Variants in KCND3 observed in about 807,000 individuals in gnomAD.
KCND3 encodes A-type voltage-gated potassium channel KCND3.
KCND3 carries 9 observed loss-of-function variants against 51.1 expected under a neutral mutation model. That is an observed-to-expected ratio of 0.18 (90% CI 0.11 to 0.31). KCND3 has a LOEUF of 0.31. Among genes scored for constraint, KCND3 ranks in the 10% least tolerant of loss-of-function variants. The pLI is 1.00. For synonymous variants in KCND3, 349 were observed against 368.0 expected (o/e 0.95, Z 0.59); for missense variants, 526 against 903.8 (o/e 0.58, Z 5.36).
At chr1:111,874,292 T>C (rs1166452790) in intron 2 of KCND3, among the ~76,000 whole-genome samples, 2 of 152,146 alleles carry the variant, frequency 1.3e-5, no homozygotes, top group South Asian at 2.1e-4. Context: ...CGCTGAGGAG[T>C]TGCAACCCAT....
Position 111,771,720 on chromosome 1 carries a change from TTTG to T in KCND3, c.*4354_*4356del, listed in dbSNP as rs1663911680. The T allele has an allele frequency of 6.6e-6, 1 of 152,262 alleles. No individual in the cohort carries two copies. The highest frequency in any genetic ancestry group is 2.4e-5 in the African/African-American group (1 of 41,476). The allele number at this position is 152,262 out of a possible 1,614,324, so 9.4% of individuals were successfully genotyped here. A position where few individuals can be genotyped will look rare whatever the true frequency, so the allele number is the denominator to read the frequency against. On this transcript the variant is annotated 3_prime_UTR_variant, in exon 8 of 8. Transcript: ENST00000302127. The stretch of plus-strand genomic sequence containing the variant: ...ATCAGCATATCCACAAGTTGACATT[TTTG>T]TTAATTATAGATCGGCATTAACTGT...
intron 2 of KCND3, among the ~76,000 whole-genome samples, chr1:111,884,533 A>T (rs1669481614): frequency 6.6e-6 from 1 of 152,168 alleles, no homozygotes; most frequent in Non-Finnish European, 1.5e-5. Context: ...AATTCTAGGA[A>T]ACAGGAGAGA....
intron 2 of KCND3, among the ~76,000 whole-genome samples, chr1:111,866,141 G>A (rs1167023663): frequency 6.6e-6 from 1 of 151,492 alleles, no homozygotes; most frequent in African/African-American, 2.4e-5. Context: ...AGCAGTTTTA[G>A]GTTTGTAGCA....
intron 2 of KCND3, among the ~76,000 whole-genome samples, chr1:111,810,084 T>C (rs1665781914): frequency 2.6e-5 from 4 of 152,228 alleles, no homozygotes; most frequent in African/African-American, 9.6e-5. Context: ...CCAGCTCTTG[T>C]CTGCCATTTC....
intron 2 of KCND3, among the ~76,000 whole-genome samples, chr1:111,857,291 G>A (rs1668120251): frequency 6.6e-6 from 1 of 152,168 alleles, no homozygotes; most frequent in South Asian, 2.1e-4. Context: ...CTGGGCGTGG[G>A]GTCACAGCGC....
In KCND3 at chr1:111,892,907, C is replaced by T. The variant is rs191242311; in HGVS notation, c.1106+88714G>A. ...CAAACAGGGAGCCCAAGGGCTGAGA[C>T]GACACACCAAAGTATCCTCTAAGAT... On this transcript the variant is annotated intron_variant, in intron 2 of 7. Transcript: ENST00000302127. 6.6e-4 allele frequency among the ~76,000 whole-genome samples: 101 copies of T among 152,330 alleles called. 1 individual carries two copies. The highest frequency in any genetic ancestry group is 5.6e-3 in the Admixed American group (86 of 15,304).
At chr1:111,804,464 T>C (rs576748997) in intron 2 of KCND3, among the ~76,000 whole-genome samples, 5 of 152,252 alleles carry the variant, frequency 3.3e-5, no homozygotes, top group Admixed American at 3.3e-4. Flanking sequence ...TAACCTTCTG[T>C]GTTTTGGGTC....
chr1:111,888,081 G>A (rs1246799643), intron 2 of KCND3, among the ~76,000 whole-genome samples: 1 of 152,236 alleles, frequency 6.6e-6, no homozygotes, highest in East Asian at 1.9e-4. Context: ...GGGCAGAGGA[G>A]CTGGGAGGGC....
At chr1:111,858,421 G>A (rs891200321) in intron 2 of KCND3, among the ~76,000 whole-genome samples, 1 of 152,088 alleles carries the variant, frequency 6.6e-6, no homozygotes, top group African/African-American at 2.4e-5. Flanking sequence ...TTTGGGGGCT[G>A]CATTATGATT....
At chr1:111,813,553 G>A (rs1337397844) in intron 2 of KCND3, among the ~76,000 whole-genome samples, 1 of 152,218 alleles carries the variant, frequency 6.6e-6, no homozygotes, top group Non-Finnish European at 1.5e-5. Flanking sequence ...GTAATGAGAG[G>A]CAAGCAGCTG....
chr1:111,959,674 G>A (rs1486456583), intron 2 of KCND3, among the ~76,000 whole-genome samples: 1 of 152,204 alleles, frequency 6.6e-6, no homozygotes, highest in African/African-American at 2.4e-5. Context: ...TGTGGGCAAT[G>A]ACCAGAAGCA....
chr1:111,886,331 T>C (rs1767283), intron 2 of KCND3, among the ~76,000 whole-genome samples: 118,339 of 152,146 alleles, frequency 0.78, 46,234 homozygotes, highest in East Asian at 1. Flanking sequence ...CATTTCTGTC[T>C]GCTATATTTT....
chr1:111,793,118 G>T (rs1664908784), intron 2 of KCND3, among the ~76,000 whole-genome samples: 1 of 150,778 alleles, frequency 6.6e-6, no homozygotes, highest in Non-Finnish European at 1.5e-5. Context: ...TTCTATTTTG[G>T]CCTCTCAAAG....
At chr1:111,899,408 T>C (rs910429240) in intron 2 of KCND3, among the ~76,000 whole-genome samples, 1 of 152,268 alleles carries the variant, frequency 6.6e-6, no homozygotes, top group Non-Finnish European at 1.5e-5. Context: ...AATGGCTTTA[T>C]GTTCTGCTTC....
intron 2 of KCND3, among the ~76,000 whole-genome samples, chr1:111,924,828 A>G (rs1459012900): frequency 6.6e-6 from 1 of 152,214 alleles, no homozygotes; most frequent in East Asian, 1.9e-4. Flanking sequence ...TGACCCTGAG[A>G]GGGACAAGAG....
chr1:111,843,038 T>C (rs887192215), intron 2 of KCND3, among the ~76,000 whole-genome samples: 8 of 152,228 alleles, frequency 5.3e-5, no homozygotes, highest in Non-Finnish European at 8.8e-5. Flanking sequence ...TGTTATTACA[T>C]TGTCTGGATT....
chr1:111,901,363 T>A (rs1670374617), intron 2 of KCND3, among the ~76,000 whole-genome samples: 1 of 152,076 alleles, frequency 6.6e-6, no homozygotes, highest in Admixed American at 6.5e-5. Context: ...CCTAAAGGAG[T>A]TACTTTCTAC....
In KCND3 at chr1:111,982,955, T is replaced by C. The variant is rs1675052040; in HGVS notation, c.-72-157A>G. On this transcript the variant is annotated intron_variant, in intron 1 of 7. Coordinates refer to ENST00000302127, the MANE Select transcript of KCND3 (RefSeq NM_001378969.1). This position sits in a 1 kb window ranked among gnomAD's most constrained non-coding sequence, Gnocchi z 8.5. ...CCCCACCACAGAGAGGGGACTTGATTCTTTGCCATCCAGACACTGGGAGAA... is the reference window on the plus strand; with the variant it reads ...CCCCACCACAGAGAGGGGACTTGATCCTTTGCCATCCAGACACTGGGAGAA... Among the ~76,000 whole-genome samples the C allele has an allele frequency of 6.6e-6, 1 of 152,156 alleles. No homozygotes were observed. The highest frequency in any genetic ancestry group is 1.5e-5 in the Non-Finnish European group (1 of 68,040).
intron 2 of KCND3, among the ~76,000 whole-genome samples, chr1:111,970,148 C>G (rs148634582): frequency 6.6e-6 from 1 of 152,056 alleles, no homozygotes; most frequent in Non-Finnish European, 1.5e-5. Context: ...TGCTGAGTAG[C>G]TGGGATTACA....
Sources: gnomAD v4.1 joint callset for allele counts (sites outside exome capture counted in the v4.1 genomes callset) on GRCh38, gnomAD v4.1.1 for gene constraint, Gnocchi (gnomAD v3.1) non-coding constraint, MANE v1.5 for transcripts, NCBI Gene and HGNC (gene_info 2026-07-23, HGNC 2026-07-21) for gene names.